The following POFUT3 variants were observed in gnomAD, a reference collection of about 807,000 sequenced individuals.
POFUT3 encodes protein O-fucosyltransferase 3.
chr8:33,410,489 T>C, the POFUT3 span, among the ~76,000 whole-genome samples: 1 of 152,040 alleles, frequency 6.6e-6, no homozygotes, highest in African/African-American at 2.4e-5. Flanking sequence ...GTGGTGACTG[T>C]GAGACAGGAA....
chr8:33,410,204 A>T, the POFUT3 span, among the ~76,000 whole-genome samples: 1 of 152,168 alleles, frequency 6.6e-6, no homozygotes, highest in Non-Finnish European at 1.5e-5. Context: ...GAAAGGTGCA[A>T]GTACCAGGGA....
chr8:33,390,816 G>A, the POFUT3 span, among the ~76,000 whole-genome samples: 3 of 152,144 alleles, frequency 2.0e-5, no homozygotes, highest in African/African-American at 7.2e-5. Flanking sequence ...TAGCATCCAC[G>A]GGATTAATTG....
At chr8:33,330,676 T>C in the POFUT3 span, among the ~76,000 whole-genome samples, 1 of 152,186 alleles carries the variant, frequency 6.6e-6, no homozygotes, top group Admixed American at 6.5e-5. Context: ...TGGGAACCAC[T>C]TTGCACAGCA....
At chr8:33,384,638 G>A in the POFUT3 span, among the ~76,000 whole-genome samples, 11 of 151,988 alleles carry the variant, frequency 7.2e-5, no homozygotes, top group Admixed American at 7.2e-4. Context: ...TGACCAACAT[G>A]GTGAAACCCC....
At chr8:33,433,932 C>T in the POFUT3 span, among the ~76,000 whole-genome samples, 2 of 150,512 alleles carry the variant, frequency 1.3e-5, no homozygotes, top group African/African-American at 4.9e-5. Flanking sequence ...TGTGTCACTG[C>T]ACTCTAGCCT....
chr8:33,336,749 A>T, the POFUT3 span, among the ~76,000 whole-genome samples: 1 of 152,190 alleles, frequency 6.6e-6, no homozygotes, highest in South Asian at 2.1e-4. Flanking sequence ...GATATGGAGA[A>T]CTGTTCCTGA....
the POFUT3 span, among the ~76,000 whole-genome samples, chr8:33,376,725 T>G: frequency 6.6e-6 from 1 of 152,158 alleles, no homozygotes; most frequent in Non-Finnish European, 1.5e-5. Context: ...GAATATCAAG[T>G]TCAAAGGACC....
At chr8:33,378,604 T>A in the POFUT3 span, among the ~76,000 whole-genome samples, 1 of 152,182 alleles carries the variant, frequency 6.6e-6, no homozygotes, top group African/African-American at 2.4e-5. Context: ...ATAAGTTTAC[T>A]GCTAAGGAAT....
At chr8:33,438,348 T>G in the POFUT3 span, among the ~76,000 whole-genome samples, 2 of 152,072 alleles carry the variant, frequency 1.3e-5, no homozygotes, top group Admixed American at 6.6e-5. Flanking sequence ...GAGGCCAAGG[T>G]AGGTGGATCG....
the POFUT3 span, chr8:33,436,125 G>A: frequency 4.1e-6 from 5 of 1,212,630 alleles, no homozygotes; most frequent in African/African-American, 7.7e-5. Flanking sequence ...GAGAGGAAAG[G>A]AAAGGAAGAG....
the POFUT3 span, among the ~76,000 whole-genome samples, chr8:33,380,152 A>ATATATATATACTATATATATATAC: frequency 2.0e-5 from 1 of 50,938 alleles, no homozygotes; most frequent in Non-Finnish European, 3.0e-5. Flanking sequence ...TATATACACT[A>ATATATATATACTATATATATATAC]TATATATATA....
the POFUT3 span, among the ~76,000 whole-genome samples, chr8:33,347,286 T>A: frequency 1.3e-5 from 2 of 152,222 alleles, no homozygotes; most frequent in Admixed American, 1.3e-4. Flanking sequence ...CTCTGATCAT[T>A]TATTTTATTC....
chr8:33,344,949 T>C, the POFUT3 span, among the ~76,000 whole-genome samples: 1 of 152,218 alleles, frequency 6.6e-6, no homozygotes, highest in Non-Finnish European at 1.5e-5. Context: ...TGTGACACCC[T>C]ACATGGGTCC....
chr8:33,436,266 C>T, the POFUT3 span: 2 of 1,360,360 alleles, frequency 1.5e-6, no homozygotes, highest in Non-Finnish European at 2.1e-6. Flanking sequence ...CTCGGAATTT[C>T]AGCCCACACA....
At chr8:33,345,557 C>T in the POFUT3 span, among the ~76,000 whole-genome samples, 2 of 151,784 alleles carry the variant, frequency 1.3e-5, no homozygotes, top group South Asian at 2.1e-4. Context: ...CCTGCCACCA[C>T]GCCCAGCTAA....
the POFUT3 span, among the ~76,000 whole-genome samples, chr8:33,410,131 T>TTTACTTA: frequency 6.6e-6 from 1 of 152,100 alleles, no homozygotes. Context: ...GGAGGTCTTA[T>TTTACTTA]TTACTTATTT....
the POFUT3 span, among the ~76,000 whole-genome samples, chr8:33,383,747 C>T: frequency 2.0e-5 from 3 of 151,736 alleles, no homozygotes; most frequent in East Asian, 2.0e-4. Context: ...TGCAGTGAGC[C>T]GAAATTGCAC....
the POFUT3 span, among the ~76,000 whole-genome samples, chr8:33,386,227 C>G: frequency 6.7e-6 from 1 of 148,644 alleles, no homozygotes; most frequent in African/African-American, 2.5e-5. Flanking sequence ...GGTCTAATAC[C>G]TTTTCATTTA....
the POFUT3 span, among the ~76,000 whole-genome samples, chr8:33,438,357 C>T: frequency 6.6e-6 from 1 of 152,120 alleles, no homozygotes; most frequent in Non-Finnish European, 1.5e-5. Flanking sequence ...GTAGGTGGAT[C>T]GTTTGAGCCC....
Sources: allele counts gnomAD v4.1 joint callset (sites outside exome capture counted in the v4.1 genomes callset), GRCh38; gene constraint gnomAD v4.1.1; transcripts MANE v1.5; gene names NCBI Gene and HGNC (gene_info 2026-07-23, HGNC 2026-07-21).